Variants in EPN2 observed in about 807,000 individuals in gnomAD.
EPN2 encodes the protein epsin 2.
Under a neutral mutation model 61.7 loss-of-function variants are expected in EPN2, and 34 were observed. The ratio of observed to expected loss-of-function variants is 0.55; its 90% CI spans 0.42 to 0.73. The LOEUF is 0.73. Among genes scored for constraint, EPN2 ranks in the 30% least tolerant of loss-of-function variants. EPN2 has a pLI of 0.00. For missense variants in EPN2, 714 were observed against 839.2 expected, an observed-to-expected ratio of 0.85 and a Z score of 1.84; for synonymous variants, 349 against 353.6, an observed-to-expected ratio of 0.99 and a Z score of 0.15.
At chr17:19,316,863 A>C (rs184905457) in intron 7 of EPN2, among the ~76,000 whole-genome samples, 7 of 152,280 alleles carry the variant, frequency 4.6e-5, no homozygotes, top group Non-Finnish European at 8.8e-5. Context: ...TAATTCTGAG[A>C]TTCTTTTCTC....
Position 19,279,175 on chromosome 17 carries a change from CCT to C in EPN2, c.-293-2779_-293-2778del, listed in dbSNP as rs1264183268. ...AAAGCCCCTGCCTTGGTCAACAGCCCCTGTTTCTTAATTGTTTGGAGTTCCTT... is the reference window on the plus strand; with the variant it reads ...AAAGCCCCTGCCTTGGTCAACAGCCCGTTTCTTAATTGTTTGGAGTTCCTT... On this transcript the variant is annotated intron_variant, in intron 1 of 10. Coordinates refer to ENST00000314728, the MANE Select transcript of EPN2 (RefSeq NM_014964.5). Among the ~76,000 whole-genome samples the C allele has an allele frequency of 4.6e-5, 7 of 152,288 alleles. No homozygotes were observed. In the South Asian group the frequency reaches 1.0e-3, roughly 23 times the overall value.
chr17:19,326,956 C>T (rs887626935), intron 7 of EPN2, among the ~76,000 whole-genome samples: 1 of 152,068 alleles, frequency 6.6e-6, no homozygotes, highest in African/African-American at 2.4e-5. Flanking sequence ...CATTAAAGAA[C>T]AGGGAAATGC....
At chr17:19,328,411 C>T (rs115808219) in intron 7 of EPN2, among the ~76,000 whole-genome samples, 2 of 152,084 alleles carry the variant, frequency 1.3e-5, no homozygotes, top group African/African-American at 4.8e-5. Context: ...TTTGCAAGCC[C>T]CCTGTATGGT....
chr17:19,297,703 C>T (rs1462775637), intron 4 of EPN2, among the ~76,000 whole-genome samples: 1 of 152,174 alleles, frequency 6.6e-6, no homozygotes, highest in Non-Finnish European at 1.5e-5. Context: ...AGGCCAAGGG[C>T]AAGCCACTGG....
chr17:19,281,776 A>G (rs2045360930), intron 1 of EPN2, among the ~76,000 whole-genome samples, 179 bp from the exon 2 acceptor site: 2 of 151,974 alleles, frequency 1.3e-5, no homozygotes, highest in Admixed American at 1.3e-4. Flanking sequence ...TGGTGGGTGG[A>G]GCCCCTTGCT....
chr17:19,269,365 G>A (rs945961870), intron 1 of EPN2, among the ~76,000 whole-genome samples: 3 of 152,208 alleles, frequency 2.0e-5, no homozygotes, highest in African/African-American at 7.2e-5. Flanking sequence ...CTTTCAACAT[G>A]AAGAGACTCT....
intron 7 of EPN2, among the ~76,000 whole-genome samples, chr17:19,317,676 C>T (rs1880740592): frequency 6.6e-6 from 1 of 152,336 alleles, no homozygotes; most frequent in East Asian, 1.9e-4. Context: ...GTTCCATCTT[C>T]GTTTCCTCTC....
chr17:19,268,759 G>A (rs983662251), intron 1 of EPN2, among the ~76,000 whole-genome samples: 1 of 152,156 alleles, frequency 6.6e-6, no homozygotes, highest in Non-Finnish European at 1.5e-5. Flanking sequence ...TAGGCACATG[G>A]TTAAATATTG....
chr17:19,281,898 G>A (rs868698), intron 1 of EPN2, 57 bp from the exon 2 acceptor site: 1 of 151,992 alleles, frequency 6.6e-6, no homozygotes, highest in Non-Finnish European at 1.5e-5. Context: ...GCCAGACTGT[G>A]GCCTTCTTGA....
Position 19,331,955 on chromosome 17 carries a change from C to A in EPN2, c.1514C>A (p.Ala505Asp). ...LTVASSKPSS[A>D]RKTPESFLGP... ...GTCGCCTCAAGCAAGCCCAGCAGTGCCCGGAAAACACCTGAGTCCTTCCTG... is the reference window on the plus strand; with the variant it reads ...GTCGCCTCAAGCAAGCCCAGCAGTGACCGGAAAACACCTGAGTCCTTCCTG... The change falls in exon 10 of 11, where the codon GCC becomes GAC. Residue 505 changes from alanine (A) to aspartate (D), a missense_variant. This residue lies in a region of EPN2 where 410 missense variants were observed against 421.8 expected (regional missense o/e 0.97). Coordinates refer to ENST00000314728, the MANE Select transcript of EPN2 (RefSeq NM_014964.5). 1 of 1,614,150 alleles carries A rather than the reference C, an allele frequency of 6.2e-7. No individual in the cohort carries two copies. Among genetic ancestry groups the A allele is most frequent in the Non-Finnish European group, 8.5e-7 (1 of 1,180,006 alleles).
intron 4 of EPN2, among the ~76,000 whole-genome samples, chr17:19,299,634 G>A (rs1418135715): frequency 6.6e-6 from 1 of 152,364 alleles, no homozygotes; most frequent in Non-Finnish European, 1.5e-5. Context: ...TGCTCTTACT[G>A]TAGGAGAGAG....
chr17:19,329,547 C>T lies in EPN2; in HGVS notation c.1325-14C>T. The T allele has an allele frequency of 6.3e-7, 1 of 1,579,626 alleles. No homozygotes were observed. Among genetic ancestry groups the T allele is most frequent in the Non-Finnish European group, 8.7e-7 (1 of 1,149,424 alleles). ...GTGAGATGCCCCCAGTCATTGGCTT[C>T]TGTGTCCACCCAGGGTCCTTTGAGC... On this transcript the variant is annotated splice_polypyrimidine_tract_variant and intron_variant, in intron 8 of 10. Coordinates refer to ENST00000314728, the MANE Select transcript of EPN2 (RefSeq NM_014964.5).
At chr17:19,297,925 G>A (rs988438024) in intron 4 of EPN2, among the ~76,000 whole-genome samples, 1 of 152,170 alleles carries the variant, frequency 6.6e-6, no homozygotes, top group African/African-American at 2.4e-5. Flanking sequence ...GTCTCACTCT[G>A]TCACCCAGTG....
intron 4 of EPN2, among the ~76,000 whole-genome samples, chr17:19,303,509 C>T (rs539517312): frequency 6.6e-6 from 1 of 152,290 alleles, no homozygotes; most frequent in Non-Finnish European, 1.5e-5. Context: ...TCAGCCTGGC[C>T]CTCACCCTGA....
chr17:19,246,143 G>T (rs1438797217), intron 1 of EPN2, among the ~76,000 whole-genome samples: 1 of 151,878 alleles, frequency 6.6e-6, no homozygotes, highest in Non-Finnish European at 1.5e-5. Context: ...GGTGAATCAT[G>T]AGGTCAAGAG....
At position 19,335,263 on chromosome 17, in the gene EPN2, T is replaced by C. The variant is rs1303169445; in HGVS notation, c.*1009T>C. 7.9e-6 allele frequency: 6 copies of C among 763,718 alleles called. No homozygotes were observed. The highest frequency in any genetic ancestry group is 6.3e-5 in the Admixed American group (2 of 31,738). 47.3% of individuals were successfully genotyped at this position (763,718 alleles called of 1,614,324 possible). ...TGTTTTTGGTGAATTACTAAACTGA[T>C]TGACTTTCAGCCTTTTTGGCTAGAT... On this transcript the variant is annotated 3_prime_UTR_variant, in exon 11 of 11. Coordinates refer to ENST00000314728, the MANE Select transcript of EPN2 (RefSeq NM_014964.5).
At chr17:19,258,380 G>A (rs1005311293) in intron 1 of EPN2, among the ~76,000 whole-genome samples, 17 of 152,274 alleles carry the variant, frequency 1.1e-4, no homozygotes, top group African/African-American at 3.6e-4. Context: ...CAATGCCAGC[G>A]TGCTTTGATT....
At chr17:19,310,079 A>T in intron 5 of EPN2, 82 bp downstream of exon 5, 1 of 947,210 alleles carries the variant, frequency 1.1e-6, no homozygotes, top group Non-Finnish European at 1.7e-6. Context: ...AAGATGGCAG[A>T]CACAGCCCTG....
At chr17:19,318,210 A>G (rs1386181009) in intron 7 of EPN2, among the ~76,000 whole-genome samples, 2 of 152,126 alleles carry the variant, frequency 1.3e-5, no homozygotes, top group Non-Finnish European at 2.9e-5. Flanking sequence ...TCTATGTTCA[A>G]AGCTGTCTGG....
Sources: allele counts gnomAD v4.1 joint callset (sites outside exome capture counted in the v4.1 genomes callset), GRCh38; gene constraint gnomAD v4.1.1; regional missense constraint gnomAD v4.1.1; transcripts MANE v1.5; gene names NCBI Gene and HGNC (gene_info 2026-07-23, HGNC 2026-07-21).